SUMF1: variants seen among roughly 807,000 people sequenced by gnomAD.
The protein encoded by SUMF1 is formylglycine-generating enzyme.
Under a neutral mutation model 47.6 loss-of-function variants are expected in SUMF1, and 48 were observed. That is an observed-to-expected ratio of 1.01 (90% CI 0.80 to 1.28). SUMF1 has a LOEUF of 1.28. Ranked by LOEUF, SUMF1 falls within the 50% of genes most tolerant of loss-of-function variation. SUMF1 has a pLI of 0.00. For synonymous variants in SUMF1, 230 were observed against 192.1 expected (o/e 1.20, Z -1.63); for missense variants, 571 against 485.4 (o/e 1.18, Z -1.66).
At chr3:4,262,758 G>C (rs1697113283) in intron 8 of SUMF1, among the ~76,000 whole-genome samples, 1 of 152,166 alleles carries the variant, frequency 6.6e-6, no homozygotes, top group African/African-American at 2.4e-5. Context: ...AATCACCATA[G>C]CCAGGGTGAT....
intron 8 of SUMF1, among the ~76,000 whole-genome samples, chr3:4,338,611 C>G (rs541526417): frequency 2.6e-5 from 4 of 152,160 alleles, no homozygotes; most frequent in Non-Finnish European, 5.9e-5. Context: ...CTGGAGAAAT[C>G]AGGACGCAAA....
intron 9 of SUMF1, among the ~76,000 whole-genome samples, chr3:4,062,072 C>CT (rs1695287358): frequency 6.6e-6 from 1 of 151,842 alleles, no homozygotes. Context: ...AACAGCACCC[C>CT]CTTCCTCATA....
intron 8 of SUMF1, among the ~76,000 whole-genome samples, chr3:4,275,808 G>A (rs1477272553): frequency 1.3e-5 from 2 of 152,170 alleles, no homozygotes; most frequent in Non-Finnish European, 2.9e-5. Context: ...GTCAGTAAAT[G>A]TCACTTAGCC....
At chr3:4,416,953 A>G (rs537752546) in intron 6 of SUMF1, among the ~76,000 whole-genome samples, 175 bp downstream of exon 6, 3 of 152,358 alleles carry the variant, frequency 2.0e-5, no homozygotes, top group Admixed American at 1.3e-4. Flanking sequence ...AGGGAAATCC[A>G]TTATACAAAA....
At chr3:4,095,086 C>A (rs1692873080) in intron 8 of SUMF1, among the ~76,000 whole-genome samples, 1 of 152,100 alleles carries the variant, frequency 6.6e-6, no homozygotes, top group East Asian at 1.9e-4. Context: ...ATTGCTGTGT[C>A]ACCTACAGTG....
chr3:4,312,980 C>T lies in SUMF1; in HGVS notation c.1014+63350G>A, dbSNP rs769930559. Reference sequence around the variant, plus strand: ...TTTCCCGGATGCATTTGTGTCAAAACTCCCTGCCTCCCTGGCACTTGCTCC... The same window carrying T: ...TTTCCCGGATGCATTTGTGTCAAAATTCCCTGCCTCCCTGGCACTTGCTCC... On this transcript the variant is annotated intron_variant and NMD_transcript_variant, in intron 8 of 12. Coordinates refer to the SUMF1 transcript ENST00000448413. The T allele has an allele frequency of 1.9e-6, 3 of 1,614,006 alleles. No homozygotes were observed. The South Asian group carries it at 3.3e-5, about 18-fold the overall frequency.
downstream of SUMF1, among the ~76,000 whole-genome samples, chr3:4,356,586 T>C (rs1238032004): frequency 1.3e-5 from 2 of 151,026 alleles, no homozygotes; most frequent in African/African-American, 5.0e-5. Flanking sequence ...ACAATTTTTT[T>C]TTTTTGCTCT....
chr3:4,460,893 G>A (rs971172674), intron 1 of SUMF1, among the ~76,000 whole-genome samples: 1 of 151,788 alleles, frequency 6.6e-6, no homozygotes, highest in Non-Finnish European at 1.5e-5. Flanking sequence ...GAGTTCAAGT[G>A]ATACTCCTGC....
rs777338915 is a variant in SUMF1, at chr3:4,313,201, C to T, written c.1014+63129G>A. 81 of 1,613,772 alleles carry T rather than the reference C, an allele frequency of 5.0e-5. No individual in the cohort carries two copies. The highest frequency in any genetic ancestry group is 6.6e-5 in the Non-Finnish European group (78 of 1,179,978). On this transcript the variant is annotated intron_variant and NMD_transcript_variant, in intron 8 of 12. Coordinates refer to the SUMF1 transcript ENST00000448413. ...GACGCATAAAAAAGGCTGGGGACTT[C>T]GTACCTTGGAATTTATACCGAAAGG...
chr3:4,042,434 A>G (rs1196818825), intron 9 of SUMF1, among the ~76,000 whole-genome samples: 3 of 152,216 alleles, frequency 2.0e-5, no homozygotes, highest in African/African-American at 7.2e-5. Flanking sequence ...AAACACTATC[A>G]CAATGACTGC....
intron 8 of SUMF1, among the ~76,000 whole-genome samples, chr3:4,069,634 A>G (rs1402832260): frequency 1.3e-5 from 2 of 152,042 alleles, no homozygotes; most frequent in African/African-American, 4.8e-5. Flanking sequence ...TATGAATATA[A>G]CTTGAGAACT....
chr3:4,423,279 T>TACATACACAC lies in SUMF1; in HGVS notation c.520-3134_520-3133insGTGTGTATGT, dbSNP rs57526958. ...CAACAAGTGAATAAAGAAACTGTGA[T>TACATACACAC]ACACACACACACACACACACACACA... On this transcript the variant is annotated intron_variant, in intron 3 of 8. Coordinates refer to ENST00000272902, the MANE Select transcript of SUMF1 (RefSeq NM_182760.4). Among the ~76,000 whole-genome samples, 1,119 of 147,220 alleles carry TACATACACAC rather than the reference T, an allele frequency of 7.6e-3. 19 individuals carry two copies. Among genetic ancestry groups the TACATACACAC allele is most frequent in the African/African-American group, 0.027 (1,065 of 39,504 alleles).
At chr3:4,215,224 A>G (rs1008371999) in intron 8 of SUMF1, among the ~76,000 whole-genome samples, 4 of 152,320 alleles carry the variant, frequency 2.6e-5, no homozygotes, top group Non-Finnish European at 5.9e-5. Flanking sequence ...CATCTCTGGG[A>G]TGCAAGGCTG....
At chr3:4,246,595 T>A (rs1320884855) in intron 8 of SUMF1, among the ~76,000 whole-genome samples, 1 of 152,084 alleles carries the variant, frequency 6.6e-6, no homozygotes, top group African/African-American at 2.4e-5. Flanking sequence ...AGAGACAGGG[T>A]TTCACTATGT....
intron 8 of SUMF1, chr3:4,303,629 C>T (rs896663473): frequency 4.3e-6 from 6 of 1,395,346 alleles, no homozygotes; most frequent in Middle Eastern, 2.6e-4. Context: ...GACCTTTTGT[C>T]TTCTCTTACA....
At chr3:4,110,858 G>A in intron 8 of SUMF1, among the ~76,000 whole-genome samples, 1 of 106,950 alleles carries the variant, frequency 9.4e-6, no homozygotes, top group East Asian at 3.3e-4. Flanking sequence ...TGGGGGGAGG[G>A]GGGAGGGATA....
intron 8 of SUMF1, chr3:4,317,508 C>A: frequency 3.4e-6 from 1 of 290,488 alleles, no homozygotes; most frequent in Non-Finnish European, 6.4e-6. Context: ...CATAGTGAGA[C>A]CCTGACTCTA....
chr3:4,382,904 A>G (rs1248850803), intron 7 of SUMF1, among the ~76,000 whole-genome samples: 10 of 152,116 alleles, frequency 6.6e-5, no homozygotes, highest in Non-Finnish European at 1.5e-4. Context: ...GGAACATCAC[A>G]CACTGGGGCC....
At chr3:4,231,452 C>T (rs1377398990) in intron 8 of SUMF1, among the ~76,000 whole-genome samples, 1 of 152,180 alleles carries the variant, frequency 6.6e-6, no homozygotes, top group Non-Finnish European at 1.5e-5. Flanking sequence ...GCTACTAATA[C>T]ATTATTTCAA....
Sources: gnomAD v4.1 joint callset for allele counts (sites outside exome capture counted in the v4.1 genomes callset) on GRCh38, gnomAD v4.1.1 for gene constraint, MANE v1.5 for transcripts, NCBI Gene and HGNC (gene_info 2026-07-23, HGNC 2026-07-21) for gene names.